The following SNRPN variants were observed in gnomAD, a reference collection of about 807,000 sequenced individuals.
SNRPN encodes the protein small nuclear ribonucleoprotein-associated protein N.
In SNRPN, 7 loss-of-function variants were observed where a neutral mutation model predicts 25.2. That is an observed-to-expected ratio of 0.28 (90% CI 0.16 to 0.52). SNRPN has a LOEUF of 0.52. Among genes scored for constraint, SNRPN ranks in the 20% least tolerant of loss-of-function variants. SNRPN has a pLI of 0.96. For synonymous variants in SNRPN, 124 were observed against 110.6 expected (o/e 1.12, Z -0.76); for missense variants, 196 against 322.5 (o/e 0.61, Z 3.00).
intron 2 of SNRPN, among the ~76,000 whole-genome samples, chr15:24,837,503 G>C (rs1347108112): frequency 2.0e-5 from 3 of 151,282 alleles, no homozygotes; most frequent in Admixed American, 2.0e-4. Context: ...CGAGTAGCTG[G>C]GACTACAGGC....
chr15:24,866,721 AC>A (rs370231981), intron 1 of SNRPN, among the ~76,000 whole-genome samples: 12 of 152,172 alleles, frequency 7.9e-5, no homozygotes, highest in African/African-American at 2.9e-4. Flanking sequence ...TCTGGTAACT[AC>A]CGTTCTACAT....
intron 1 of SNRPN, among the ~76,000 whole-genome samples, chr15:24,884,973 T>C (rs1217247157): frequency 6.6e-6 from 1 of 152,154 alleles, no homozygotes; most frequent in Non-Finnish European, 1.5e-5. Context: ...AGAAATGCCT[T>C]GTATTTAAGT....
chr15:24,837,672 G>T (rs2051333479), intron 2 of SNRPN, among the ~76,000 whole-genome samples: 1 of 150,182 alleles, frequency 6.7e-6, no homozygotes. Context: ...CCCGGCTTGG[G>T]GGGCTACTGA....
chr15:24,900,524 T>G (rs1224117507), intron 2 of SNRPN, among the ~76,000 whole-genome samples: 2 of 151,844 alleles, frequency 1.3e-5, no homozygotes, highest in African/African-American at 4.9e-5. Flanking sequence ...TAGATACCAT[T>G]AAAGGGGATG....
intron 3 of SNRPN, among the ~76,000 whole-genome samples, chr15:24,925,701 C>T (rs1007601245): frequency 6.6e-6 from 1 of 151,926 alleles, no homozygotes; most frequent in Non-Finnish European, 1.5e-5. Context: ...ATCTCAGCCT[C>T]CCCAGTGGCT....
chr15:24,867,301 A>G (rs1243957330), intron 1 of SNRPN, among the ~76,000 whole-genome samples: 1 of 151,956 alleles, frequency 6.6e-6, no homozygotes, highest in African/African-American at 2.4e-5. Flanking sequence ...TTTTAATAAT[A>G]GCCTTGTAAC....
chr15:24,846,251 G>A (rs1036645408), intron 2 of SNRPN, among the ~76,000 whole-genome samples: 1 of 151,960 alleles, frequency 6.6e-6, no homozygotes, highest in Non-Finnish European at 1.5e-5. Flanking sequence ...AGTATATCAC[G>A]TTTTTATGCT....
chr15:24,840,635 G>A (rs1231907660), intron 2 of SNRPN, among the ~76,000 whole-genome samples: 1 of 152,198 alleles, frequency 6.6e-6, no homozygotes, highest in East Asian at 1.9e-4. Context: ...CTGGGTGCCA[G>A]AAGAACCCCC....
chr15:24,870,942 G>T (rs1360544623), intron 1 of SNRPN, among the ~76,000 whole-genome samples: 1 of 151,572 alleles, frequency 6.6e-6, no homozygotes, highest in African/African-American at 2.4e-5. Context: ...GTGCAATGGT[G>T]TGTTCTTGGC....
chr15:24,929,978 G>T lies in SNRPN; in HGVS notation c.-391+9854G>T, dbSNP rs1285348735. ...CAAGGCGGGTGGATCACGAGGTCAG[G>T]AGATCAAGACCCTCCTGGCTAACGC... On this transcript the variant is annotated intron_variant, in intron 3 of 11. Transcript: ENST00000400097. This position sits in a 1 kb window ranked among gnomAD's most constrained non-coding sequence, Gnocchi z 5.3. Among the ~76,000 whole-genome samples, 1 of 151,450 alleles carries T rather than the reference G, an allele frequency of 6.6e-6. No individual in the cohort carries two copies. The highest frequency in any genetic ancestry group is 2.4e-5 in the African/African-American group (1 of 41,204).
chr15:24,942,639 A>G (rs1177753763), intron 3 of SNRPN, among the ~76,000 whole-genome samples: 5 of 152,258 alleles, frequency 3.3e-5, no homozygotes, highest in Admixed American at 6.5e-5. Flanking sequence ...GCAAATCTGT[A>G]TCCAGAGTAA....
chr15:24,962,995 A>G (rs1246536892), intron 2 of SNRPN, among the ~76,000 whole-genome samples: 1 of 112,862 alleles, frequency 8.9e-6, no homozygotes. Context: ...TTTTAAAGCA[A>G]CTACCAACTT....
chr15:24,933,492 C>T (rs2061019648), intron 3 of SNRPN, among the ~76,000 whole-genome samples: 1 of 152,002 alleles, frequency 6.6e-6, no homozygotes, highest in Non-Finnish European at 1.5e-5. Flanking sequence ...GCCCCTAGGT[C>T]TTAGGCTGGG....
chr15:24,924,367 C>T (rs142339002), intron 3 of SNRPN, among the ~76,000 whole-genome samples: 15 of 151,896 alleles, frequency 9.9e-5, no homozygotes, highest in African/African-American at 3.4e-4. Context: ...ACAAAGTCTG[C>T]GTGTGTTATC....
chr15:24,888,902 G>C (rs11633549), intron 2 of SNRPN, among the ~76,000 whole-genome samples: 8,080 of 152,128 alleles, frequency 0.053, 290 homozygotes, highest in South Asian at 0.14. Flanking sequence ...TTATGCATCT[G>C]TGAGAAGTTT....
At chr15:24,954,899 G>A, upstream of SNRPN, 1 of 1,156,634 alleles carries the variant, frequency 8.6e-7, no homozygotes, top group Non-Finnish European at 1.2e-6. Context: ...CGGCAAACAA[G>A]CACGCCTGCG....
chr15:24,840,415 T>C (rs2051591440), intron 2 of SNRPN, among the ~76,000 whole-genome samples: 1 of 152,194 alleles, frequency 6.6e-6, no homozygotes, highest in African/African-American at 2.4e-5. Flanking sequence ...GCAACTTATG[T>C]GTCCAAGATC....
Position 24,929,003 on chromosome 15 carries a change from G to A in SNRPN, c.-391+8879G>A, listed in dbSNP as rs1453389638. Among the ~76,000 whole-genome samples, 1 of 152,082 alleles carries A rather than the reference G, an allele frequency of 6.6e-6. No homozygotes were observed. The highest frequency in any genetic ancestry group is 2.4e-5 in the African/African-American group (1 of 41,396). ...TCTTGTCCCCACTATTAAATCAGCT[G>A]TGTTTTTTCCAAGGAATCCTGATTT... On this transcript the variant is annotated intron_variant, in intron 3 of 11. Coordinates refer to the SNRPN transcript ENST00000400097. This position sits in a 1 kb window ranked among gnomAD's most constrained non-coding sequence, Gnocchi z 5.3.
intron 2 of SNRPN, among the ~76,000 whole-genome samples, chr15:24,894,333 C>T (rs2057922262): frequency 6.6e-6 from 1 of 152,212 alleles, no homozygotes; most frequent in Non-Finnish European, 1.5e-5. Context: ...ATTCTCCCGC[C>T]TCAGCCTCCC....
Sources: gnomAD v4.1 joint callset for allele counts (sites outside exome capture counted in the v4.1 genomes callset) on GRCh38, gnomAD v4.1.1 for gene constraint, Gnocchi (gnomAD v3.1) non-coding constraint, MANE v1.5 for transcripts, NCBI Gene and HGNC (gene_info 2026-07-23, HGNC 2026-07-21) for gene names.